The following TRIO variants were observed in gnomAD, a reference collection of about 807,000 sequenced individuals.
TRIO encodes trio Rho guanine nucleotide exchange factor, also known as triple functional domain protein.
Under a neutral mutation model 351.9 loss-of-function variants are expected in TRIO, and 58 were observed. That is an observed-to-expected ratio of 0.16 (90% CI 0.13 to 0.21). The LOEUF (loss-of-function observed/expected upper bound fraction) is 0.21, where lower values mean the gene tolerates loss of function less well. Ranked by LOEUF, TRIO falls within the 10% of genes least tolerant of loss-of-function variation. The pLI, the probability that TRIO is intolerant of heterozygous loss-of-function variation, is 1.00. For synonymous variants in TRIO, 1,758 were observed against 1,595.7 expected (o/e 1.10, Z -2.42); for missense variants, 3,201 against 4,027.8 (o/e 0.79, Z 5.56).
intron 34 of TRIO, among the ~76,000 whole-genome samples, chr5:14,438,519 CCTT>C (rs1215967526): frequency 1.3e-5 from 2 of 152,352 alleles, no homozygotes; most frequent in South Asian, 2.1e-4. Flanking sequence ...GTTTTCACCT[CCTT>C]CTCCTTCCCA....
chr5:14,157,204 T>C (rs1046941092), intron 1 of TRIO, among the ~76,000 whole-genome samples: 3 of 152,146 alleles, frequency 2.0e-5, no homozygotes, highest in African/African-American at 7.2e-5. Flanking sequence ...CTGCCCTTCA[T>C]TGACTAAATA....
intron 34 of TRIO, among the ~76,000 whole-genome samples, chr5:14,423,264 C>A (rs756423744): frequency 6.6e-6 from 1 of 152,228 alleles, no homozygotes; most frequent in African/African-American, 2.4e-5. Flanking sequence ...GTGCCCCCAG[C>A]GAGTCTCTTC....
chr5:14,267,132 C>T (rs1324932748), intron 1 of TRIO, among the ~76,000 whole-genome samples: 1 of 152,036 alleles, frequency 6.6e-6, no homozygotes. Flanking sequence ...CTAAATGTCC[C>T]CCAATTTGGG....
intron 1 of TRIO, among the ~76,000 whole-genome samples, chr5:14,146,186 G>T (rs1787511894): frequency 6.6e-6 from 1 of 151,844 alleles, no homozygotes; most frequent in South Asian, 2.1e-4. Context: ...ATGGGTGGGT[G>T]TGGGGGTGGG....
At chr5:14,297,785 G>C (rs1271815889) in intron 7 of TRIO, among the ~76,000 whole-genome samples, 1 of 152,190 alleles carries the variant, frequency 6.6e-6, no homozygotes, top group Non-Finnish European at 1.5e-5. Flanking sequence ...ATGGAGGGGT[G>C]GTGTCTGCTG....
intron 33 of TRIO, among the ~76,000 whole-genome samples, chr5:14,416,295 G>GTT (rs35758011): frequency 2.3e-4 from 33 of 146,324 alleles, no homozygotes; most frequent in Admixed American, 5.5e-4. Context: ...ACACAGAAAA[G>GTT]TTTTTTTTTT....
chr5:14,357,803 A>C (rs1023546071), intron 11 of TRIO, among the ~76,000 whole-genome samples: 1 of 152,220 alleles, frequency 6.6e-6, no homozygotes, highest in African/African-American at 2.4e-5. Context: ...GAGACATATC[A>C]GCAGATGTTT....
chr5:14,497,732 C>A lies in TRIO; in HGVS notation c.8020-115C>A. ...AAAATGTGGTCTGTTTTGATTGATG[C>A]CCAGGCAAGTCAGTTTCTGCAAATC... On this transcript the variant is annotated intron_variant, in intron 50 of 56. Coordinates refer to ENST00000344204, the MANE Select transcript of TRIO (RefSeq NM_007118.4). This position sits in a 1 kb window ranked among gnomAD's most constrained non-coding sequence, Gnocchi z 4.4. 7.3e-7 allele frequency: 1 copy of A among 1,365,028 alleles called. No individual in the cohort carries two copies. The highest frequency in any genetic ancestry group is 1.0e-6 in the Non-Finnish European group (1 of 957,814). The allele number at this position is 1,365,028 out of a possible 1,614,324, so 84.6% of individuals were successfully genotyped here.
chr5:14,250,223 C>T (rs769189961), intron 1 of TRIO, among the ~76,000 whole-genome samples: 28 of 152,164 alleles, frequency 1.8e-4, no homozygotes, highest in Admixed American at 1.7e-3. Context: ...CTTTAGCTGC[C>T]GGCCACGTGG....
chr5:14,384,090 T>A (rs1746343912), intron 21 of TRIO, among the ~76,000 whole-genome samples: 1 of 152,106 alleles, frequency 6.6e-6, no homozygotes, highest in Admixed American at 6.5e-5. Context: ...GTTGTGGGTG[T>A]TTATTTAAGA....
chr5:14,213,876 G>A (rs1792062016), intron 1 of TRIO, among the ~76,000 whole-genome samples: 1 of 152,212 alleles, frequency 6.6e-6, no homozygotes, highest in East Asian at 1.9e-4. Flanking sequence ...CTGGCCCAGG[G>A]CAGGAGACTG....
chr5:14,358,045 G>A lies in TRIO; in HGVS notation c.2047-133G>A, dbSNP rs547190215. The A allele has an allele frequency of 1.0e-5, 11 of 1,089,678 alleles. No homozygotes were observed. The East Asian group carries it at 1.3e-4, about 13-fold the overall frequency. 67.5% of individuals were successfully genotyped at this position (1,089,678 alleles called of 1,614,324 possible). A position where few individuals can be genotyped will look rare whatever the true frequency, so the allele number is the denominator to read the frequency against. The stretch of plus-strand genomic sequence containing the variant: ...CTCCCGTCCTTCCTTCCTTCCCTCC[G>A]GGAGTGGTCTGTCACCAGTCCCCTC... On this transcript the variant is annotated intron_variant, in intron 11 of 56. Coordinates refer to ENST00000344204, the MANE Select transcript of TRIO (RefSeq NM_007118.4).
intron 38 of TRIO, 84 bp from the exon 39 acceptor site, chr5:14,472,508 G>C (rs1754763474): frequency 7.2e-7 from 1 of 1,397,878 alleles, no homozygotes; most frequent in African/African-American, 1.4e-5. Flanking sequence ...GTCCTGGAAG[G>C]AGTCCATCTT....
chr5:14,327,339 T>A lies in TRIO; in HGVS notation c.1732-3439T>A, dbSNP rs181065162. Among the ~76,000 whole-genome samples the A allele has an allele frequency of 7.0e-4, 107 of 152,258 alleles. 2 individuals are homozygous for A. In the East Asian group the frequency reaches 0.019, roughly 28 times the overall value. ...ACCACCACGCCCGGCTAATTTTGTA[T>A]TTTTAGTAGAGACAGGGTTTCACCA... On this transcript the variant is annotated intron_variant, in intron 9 of 56. Transcript: ENST00000344204.
intron 8 of TRIO, among the ~76,000 whole-genome samples, chr5:14,308,288 C>T (rs1295987751): frequency 6.9e-6 from 1 of 144,208 alleles, no homozygotes; most frequent in African/African-American, 2.8e-5. Context: ...GTTCATCCAC[C>T]CGACCACCCA....
chr5:14,192,294 C>T (rs751816807), intron 1 of TRIO, among the ~76,000 whole-genome samples: 2 of 149,638 alleles, frequency 1.3e-5, no homozygotes, highest in East Asian at 1.9e-4. Flanking sequence ...GAGTCTTGCT[C>T]TGTCGCCCAG....
chr5:14,159,804 A>T (rs555468582), intron 1 of TRIO, among the ~76,000 whole-genome samples: 1 of 152,248 alleles, frequency 6.6e-6, no homozygotes, highest in Non-Finnish European at 1.5e-5. Context: ...TGACTTCCTG[A>T]TCTGCCCGCC....
chr5:14,453,759 G>C (rs1049248874), intron 34 of TRIO, among the ~76,000 whole-genome samples: 2 of 152,156 alleles, frequency 1.3e-5, no homozygotes, highest in Non-Finnish European at 2.9e-5. Context: ...AGGCTGGAAA[G>C]GGGGAAGCAC....
chr5:14,447,823 C>T (rs1352614650), intron 34 of TRIO, among the ~76,000 whole-genome samples: 3 of 152,214 alleles, frequency 2.0e-5, no homozygotes, highest in African/African-American at 7.2e-5. Context: ...CTATTATGCC[C>T]ATGGGTTCAA....
Sources: gnomAD v4.1 joint callset for allele counts (sites outside exome capture counted in the v4.1 genomes callset) on GRCh38, gnomAD v4.1.1 for gene constraint, Gnocchi (gnomAD v3.1) non-coding constraint, MANE v1.5 for transcripts, NCBI Gene and HGNC (gene_info 2026-07-23, HGNC 2026-07-21) for gene names.